AP1AR: variants seen among roughly 807,000 people sequenced by gnomAD.
The protein encoded by AP1AR is adaptor related protein complex 1 associated regulatory protein, also known as AP-1 complex-associated regulatory protein.
AP1AR carries 29 observed loss-of-function variants against 46.3 expected under a neutral mutation model. The ratio of observed to expected loss-of-function variants is 0.63; its 90% confidence interval spans 0.47 to 0.85. The LOEUF (loss-of-function observed/expected upper bound fraction) is 0.85, where lower values mean the gene tolerates loss of function less well. Ranked by LOEUF, AP1AR falls within the 40% of genes least tolerant of loss-of-function variation. AP1AR has a pLI of 0.00. For missense variants in AP1AR, 357 were observed against 356.3 expected (o/e 1.00, Z -0.02); for synonymous variants, 122 against 122.9 (o/e 0.99, Z 0.05).
In AP1AR at chr4:112,268,513, G is replaced by A; in HGVS notation, c.*104G>A. The A allele has an allele frequency of 8.6e-7, 1 of 1,168,484 alleles. No individual in the cohort carries two copies. The allele number at this position is 1,168,484 out of a possible 1,614,324, so 72.4% of individuals were successfully genotyped here. On this transcript the variant is annotated 3_prime_UTR_variant, in exon 10 of 10. Coordinates refer to ENST00000274000, the MANE Select transcript of AP1AR (RefSeq NM_018569.6). ...GCCTTTTTGTAAGGGAGATGTGTAA[G>A]AAACCATGTTGTAAATGCTTATTTT...
chr4:112,246,707 T>TA (rs1252047488), intron 1 of AP1AR, among the ~76,000 whole-genome samples: 2 of 152,142 alleles, frequency 1.3e-5, no homozygotes, highest in East Asian at 3.8e-4. Context: ...AAGCATAGAA[T>TA]AACAGGGTGG....
chr4:112,262,786 G>A (rs564516265), intron 5 of AP1AR, among the ~76,000 whole-genome samples: 1 of 152,176 alleles, frequency 6.6e-6, no homozygotes, highest in Admixed American at 6.5e-5. Flanking sequence ...AAGGAATTCC[G>A]TAATGTGTTT....
At chr4:112,259,307 A>C (rs1247368022) in intron 4 of AP1AR, among the ~76,000 whole-genome samples, 3 of 152,146 alleles carry the variant, frequency 2.0e-5, no homozygotes, top group Non-Finnish European at 4.4e-5. Flanking sequence ...CAAGAGAAGA[A>C]CAGTAGTTAA....
rs1263326818 is a variant in AP1AR, at chr4:112,271,405, G to C, written c.*2996G>C. 3.9e-5 allele frequency among the ~76,000 whole-genome samples: 6 copies of C among 152,234 alleles called. No individual in the cohort carries two copies. Among genetic ancestry groups the C allele is most frequent in the Non-Finnish European group, 5.9e-5 (4 of 68,046 alleles). On this transcript the variant is annotated 3_prime_UTR_variant, in exon 10 of 10. Transcript: ENST00000274000. ...ATAGTTTAGAGTTGGCTCCTCAACA[G>C]AGCTATTTCTACTTGTCATCTGTCA...
chr4:112,266,517 T>TA, intron 8 of AP1AR, 71 bp from the exon 9 acceptor site: 3 of 1,412,452 alleles, frequency 2.1e-6, no homozygotes, highest in Non-Finnish European at 2.9e-6. Flanking sequence ...AGATAATTGT[T>TA]ACAAAATAAA....
intron 1 of AP1AR, among the ~76,000 whole-genome samples, chr4:112,242,712 C>A (rs1475269414): frequency 6.6e-6 from 1 of 152,138 alleles, no homozygotes; most frequent in Non-Finnish European, 1.5e-5. Context: ...ACCACTGTTA[C>A]CTAAACACTT....
In AP1AR at chr4:112,232,128, C is replaced by G; in HGVS notation, c.37C>G (p.Leu13Val). 7.8e-7 allele frequency: 1 copy of G among 1,285,534 alleles called. No individual in the cohort carries two copies. The allele number at this position is 1,285,534 out of a possible 1,614,324, so 79.6% of individuals were successfully genotyped here. A position where few individuals can be genotyped will look rare whatever the true frequency, so the allele number is the denominator to read the frequency against. The change falls in exon 1 of 10, where the codon CTT (leucine) becomes GTT (valine). Residue 13 changes from leucine (L) to valine (V), a missense_variant. Transcript: ENST00000274000. ...CTGCTGGACGCAGTGCTTCGGACTGCTTCGCAAGGAAGCGGGGCGGCTGCA... is the reference window on the plus strand; with the variant it reads ...CTGCTGGACGCAGTGCTTCGGACTGGTTCGCAAGGAAGCGGGGCGGCTGCA... The part of the protein sequence containing the change: ...NCCWTQCFGL[L>V]RKEAGRLQRV...
At chr4:112,254,673 A>G in intron 2 of AP1AR, 74 bp from the exon 3 acceptor site, 2 of 936,536 alleles carry the variant, frequency 2.1e-6, no homozygotes, top group Admixed American at 5.5e-5. Context: ...AAGTGAAAAA[A>G]GTAACATAAT....
In AP1AR at chr4:112,263,097, A is replaced by G. The variant is rs1322583233; in HGVS notation, c.381+11A>G. 1 of 1,607,816 alleles carries G rather than the reference A, an allele frequency of 6.2e-7. No homozygotes were observed. Among genetic ancestry groups the G allele is most frequent in the Non-Finnish European group, 8.5e-7 (1 of 1,175,730 alleles). ...CGAAAGCTCTTGGAGGTGAGGGGAA[A>G]AGACCCCAGCATATATTAGGGTTGC... On this transcript the variant is annotated intron_variant, in intron 6 of 9. Coordinates refer to ENST00000274000, the MANE Select transcript of AP1AR (RefSeq NM_018569.6).
rs1726877347 is a variant in AP1AR, at chr4:112,269,813, T to C, written c.*1404T>C. 1 of 152,562 alleles carries C rather than the reference T, an allele frequency of 6.6e-6. No individual in the cohort carries two copies. The highest frequency in any genetic ancestry group is 1.5e-5 in the Non-Finnish European group (1 of 67,960). The allele number at this position is 152,562 out of a possible 1,614,324, so 9.5% of individuals were successfully genotyped here. ...ATTAGGTAATGCTATTATTTATATC[T>C]GTCTTAACATAATTTAAGTTGTAGC... On this transcript the variant is annotated 3_prime_UTR_variant, in exon 10 of 10. Coordinates refer to ENST00000274000, the MANE Select transcript of AP1AR (RefSeq NM_018569.6).
intron 1 of AP1AR, among the ~76,000 whole-genome samples, chr4:112,236,425 G>T (rs1261066973): frequency 7.1e-6 from 1 of 140,414 alleles, no homozygotes; most frequent in African/African-American, 2.8e-5. Context: ...CCCCAAAAAG[G>T]AGTCTCGCTC....
At chr4:112,245,108 G>GA (rs990184089) in intron 1 of AP1AR, among the ~76,000 whole-genome samples, 4 of 152,038 alleles carry the variant, frequency 2.6e-5, no homozygotes, top group African/African-American at 4.8e-5. Flanking sequence ...AGTTACTATT[G>GA]AAAATAGTAG....
intron 1 of AP1AR, among the ~76,000 whole-genome samples, chr4:112,246,643 A>G (rs1297086184): frequency 1.3e-5 from 2 of 152,244 alleles, no homozygotes; most frequent in African/African-American, 2.4e-5. Context: ...GGGAAATGTA[A>G]CTGTCAAGGA....
chr4:112,241,026 C>A (rs1006305233), intron 1 of AP1AR, among the ~76,000 whole-genome samples: 1 of 152,152 alleles, frequency 6.6e-6, no homozygotes, highest in Non-Finnish European at 1.5e-5. Flanking sequence ...TAAAAGACCT[C>A]TAAGGTCCCT....
chr4:112,258,856 T>G (rs1726317621), intron 4 of AP1AR, among the ~76,000 whole-genome samples: 1 of 152,170 alleles, frequency 6.6e-6, no homozygotes, highest in Non-Finnish European at 1.5e-5. Context: ...AGCCCTAATA[T>G]ATAACTAGGG....
At chr4:112,252,788 T>G (rs1726015118) in intron 1 of AP1AR, among the ~76,000 whole-genome samples, 1 of 152,186 alleles carries the variant, frequency 6.6e-6, no homozygotes, top group South Asian at 2.1e-4. Flanking sequence ...CATATATACT[T>G]TTAGATACTT....
intron 4 of AP1AR, among the ~76,000 whole-genome samples, chr4:112,258,824 T>C (rs1726315119): frequency 6.6e-6 from 1 of 152,220 alleles, no homozygotes; most frequent in Non-Finnish European, 1.5e-5. Context: ...ATTTAAGTTA[T>C]ACTTCAAAGA....
chr4:112,266,825 A>G, intron 9 of AP1AR, 109 bp downstream of exon 9: 2 of 1,062,046 alleles, frequency 1.9e-6, no homozygotes, highest in Non-Finnish European at 1.3e-6. Context: ...AGGCCTTGAA[A>G]AATCATATAA....
Position 112,255,250 on chromosome 4 carries a change from C to T in AP1AR, c.159+477C>T, listed in dbSNP as rs370794569. Among the ~76,000 whole-genome samples, 4 of 150,062 alleles carry T rather than the reference C, an allele frequency of 2.7e-5. No homozygotes were observed. The East Asian group carries it at 5.9e-4, about 22-fold the overall frequency. ...CTGGGATTTCAGGTGTGAGCCACCG[C>T]GCCCAGCCAATTCCGAATTTTTTTA... On this transcript the variant is annotated intron_variant, in intron 3 of 9. Transcript: ENST00000274000.
Sources: gnomAD v4.1 joint callset for allele counts (sites outside exome capture counted in the v4.1 genomes callset) on GRCh38, gnomAD v4.1.1 for gene constraint, MANE v1.5 for transcripts, NCBI Gene and HGNC (gene_info 2026-07-23, HGNC 2026-07-21) for gene names.